SLC44A5: variants seen among roughly 807,000 people sequenced by gnomAD.
The protein encoded by SLC44A5 is solute carrier family 44 member 5.
Under a neutral mutation model 101.8 loss-of-function variants are expected in SLC44A5, and 57 were observed. The ratio of observed to expected loss-of-function variants is 0.56; its 90% CI spans 0.45 to 0.70. The LOEUF (loss-of-function observed/expected upper bound fraction) is 0.70, where lower values mean the gene tolerates loss of function less well. Ranked by LOEUF, SLC44A5 falls within the 30% of genes least tolerant of loss-of-function variation. The probability of loss-of-function intolerance (pLI) is 0.00; values close to 1 mark genes in which losing one functional copy is unlikely to be tolerated. For missense variants in SLC44A5, 737 were observed against 853.1 expected (o/e 0.86, Z 1.70); for synonymous variants, 281 against 290.9 (o/e 0.97, Z 0.35).
chr1:75,656,762 G>T, the SLC44A5 span, among the ~76,000 whole-genome samples: 22 of 152,152 alleles, frequency 1.4e-4, no homozygotes, highest in Admixed American at 5.9e-4. Context: ...AAAGAAAGGA[G>T]GAGAGAAATT....
chr1:75,250,802 AC>A (rs1382186033), intron 7 of SLC44A5, among the ~76,000 whole-genome samples: 1 of 152,158 alleles, frequency 6.6e-6, no homozygotes, highest in Non-Finnish European at 1.5e-5. Context: ...CTGACCACAG[AC>A]ACCTGCCTTT....
chr1:75,656,098 G>A, the SLC44A5 span, among the ~76,000 whole-genome samples: 7 of 152,112 alleles, frequency 4.6e-5, no homozygotes. Flanking sequence ...AGAGAAAGTG[G>A]AATGACATCT....
intron 4 of SLC44A5, among the ~76,000 whole-genome samples, chr1:75,303,297 G>A (rs955103245): frequency 1.3e-5 from 2 of 152,038 alleles, no homozygotes; most frequent in African/African-American, 2.4e-5. Context: ...GTGCAGTGGC[G>A]CAATCTCAGC....
At chr1:75,304,806 T>C (rs1390339105) in intron 4 of SLC44A5, among the ~76,000 whole-genome samples, 1 of 152,162 alleles carries the variant, frequency 6.6e-6, no homozygotes, top group African/African-American at 2.4e-5. Flanking sequence ...TGAACCATTG[T>C]ACTAAGTTAA....
At chr1:75,304,673 G>A (rs931388687) in intron 4 of SLC44A5, among the ~76,000 whole-genome samples, 2 of 152,144 alleles carry the variant, frequency 1.3e-5, no homozygotes, top group Non-Finnish European at 2.9e-5. Flanking sequence ...GACAGCTATT[G>A]AGATAACTGG....
intron 2 of SLC44A5, among the ~76,000 whole-genome samples, chr1:75,435,659 A>T (rs538215634): frequency 1.4e-4 from 22 of 152,290 alleles, no homozygotes; most frequent in African/African-American, 5.3e-4. Context: ...TTCCTATAGG[A>T]GCAAACTCAC....
At chr1:75,658,040 T>C in the SLC44A5 span, among the ~76,000 whole-genome samples, 1 of 152,180 alleles carries the variant, frequency 6.6e-6, no homozygotes. Flanking sequence ...TGGAACATTC[T>C]CCAAAATCAC....
intron 14 of SLC44A5, among the ~76,000 whole-genome samples, chr1:75,220,336 C>T (rs568101118): frequency 6.6e-6 from 1 of 152,204 alleles, no homozygotes; most frequent in South Asian, 2.1e-4. Flanking sequence ...CTTACTTTTA[C>T]ATGACATGGC....
intron 12 of SLC44A5, among the ~76,000 whole-genome samples, chr1:75,233,686 T>C (rs1647804092): frequency 6.6e-6 from 1 of 152,162 alleles, no homozygotes; most frequent in Non-Finnish European, 1.5e-5. Context: ...GAAATGTTTT[T>C]CATTAATCTA....
At chr1:75,611,344 T>C (rs1675647744), upstream of SLC44A5, among the ~76,000 whole-genome samples, 1 of 152,138 alleles carries the variant, frequency 6.6e-6, no homozygotes, top group African/African-American at 2.4e-5. Context: ...TAGGCCATGA[T>C]TACCTTTAAA....
chr1:75,323,703 G>A (rs922184299), intron 4 of SLC44A5, among the ~76,000 whole-genome samples: 9 of 151,928 alleles, frequency 5.9e-5, no homozygotes, highest in Non-Finnish European at 1.0e-4. Flanking sequence ...AATATGTTTC[G>A]CTAATTCTTC....
chr1:75,526,224 T>G (rs1670400127), intron 2 of SLC44A5, among the ~76,000 whole-genome samples: 1 of 152,206 alleles, frequency 6.6e-6, no homozygotes, highest in Admixed American at 6.5e-5. Flanking sequence ...ACCACCTTCT[T>G]CTACCTCCTC....
At chr1:75,327,909 C>T (rs1053601885) in intron 4 of SLC44A5, among the ~76,000 whole-genome samples, 13 of 152,172 alleles carry the variant, frequency 8.5e-5, no homozygotes, top group Admixed American at 5.2e-4. Flanking sequence ...AGGTTCTCTG[C>T]ACTACTATTT....
chr1:75,404,091 A>G (rs1011701274), intron 2 of SLC44A5, among the ~76,000 whole-genome samples: 1 of 151,962 alleles, frequency 6.6e-6, no homozygotes, highest in Non-Finnish European at 1.5e-5. Context: ...AGCAGAAGAA[A>G]GGATATCAGA....
At chr1:75,486,447 T>C (rs1268824606) in intron 2 of SLC44A5, among the ~76,000 whole-genome samples, 3 of 152,244 alleles carry the variant, frequency 2.0e-5, no homozygotes, top group Admixed American at 6.5e-5. Context: ...AATGTTTTAC[T>C]CTTATTCTAT....
chr1:75,222,289 T>C (rs1378992549), intron 14 of SLC44A5, 72 bp downstream of exon 14: 4 of 1,140,040 alleles, frequency 3.5e-6, no homozygotes, highest in Non-Finnish European at 5.3e-6. Context: ...AGGTGAGATA[T>C]TTATGCAAGG....
rs530059655 is a variant in SLC44A5 at position 75,329,927 on chromosome 1, C to T, written c.101+9655G>A. Among the ~76,000 whole-genome samples, 14 of 152,146 alleles carry T rather than the reference C, an allele frequency of 9.2e-5. No homozygotes were observed. The East Asian group carries it at 2.7e-3, about 29-fold the overall frequency. On this transcript the variant is annotated intron_variant, in intron 4 of 23. Coordinates refer to ENST00000370859, the MANE Select transcript of SLC44A5 (RefSeq NM_001130058.2). ...AGATTCTCCTACTACGTGAAGCATT[C>T]CAGGGTACTGTCACCCAGCTTCAGT...
intron 2 of SLC44A5, among the ~76,000 whole-genome samples, chr1:75,484,375 C>T (rs945277442): frequency 6.6e-6 from 1 of 152,200 alleles, no homozygotes; most frequent in African/African-American, 2.4e-5. Context: ...CAATCTGAAA[C>T]CCAGTGGGGC....
At chr1:75,682,874 T>C in the SLC44A5 span, among the ~76,000 whole-genome samples, 1 of 151,910 alleles carries the variant, frequency 6.6e-6, no homozygotes, top group Non-Finnish European at 1.5e-5. Context: ...AGGGCTAATA[T>C]CCAGAATCTA....
Sources: gnomAD v4.1 joint callset for allele counts (sites outside exome capture counted in the v4.1 genomes callset) on GRCh38, gnomAD v4.1.1 for gene constraint, MANE v1.5 for transcripts, NCBI Gene and HGNC (gene_info 2026-07-23, HGNC 2026-07-21) for gene names.